PER1: variants seen among roughly 807,000 people sequenced by gnomAD.
The protein encoded by PER1 is period circadian regulator 1.
In PER1, 87 loss-of-function variants were observed where a neutral mutation model predicts 125.9. The observed-to-expected ratio is 0.69, with a 90% CI of 0.58 to 0.83. The LOEUF is 0.83. Ranked by LOEUF, PER1 falls within the 40% of genes least tolerant of loss-of-function variation. The pLI, the probability that PER1 is intolerant of heterozygous loss-of-function variation, is 0.00. For missense variants in PER1, 1,775 were observed against 1,722.8 expected (o/e 1.03, Z -0.54); for synonymous variants, 801 against 714.7 (o/e 1.12, Z -1.93).
Position 8,149,314 on chromosome 17 carries a change from G to A in PER1, c.854-4C>T, listed in dbSNP as rs749357434. 5 of 1,613,988 alleles carry A rather than the reference G, an allele frequency of 3.1e-6. No individual in the cohort carries two copies. Among genetic ancestry groups the A allele is most frequent in the Non-Finnish European group, 4.2e-6 (5 of 1,179,894 alleles). ...GTAAAGTCCCTGAGGCCTGAACCTG[G>A]GACAGACAGGAGAGGAGTGAGCACA... On this transcript the variant is annotated splice_region_variant and splice_polypyrimidine_tract_variant and intron_variant, in intron 6 of 22. Transcript: ENST00000317276.
Position 8,147,907 on chromosome 17 carries a change from G to C in PER1, c.1235-80C>G, listed in dbSNP as rs899748634. 5 of 1,589,462 alleles carry C rather than the reference G, an allele frequency of 3.1e-6. No individual in the cohort carries two copies. In the Admixed American group the frequency reaches 8.8e-5, roughly 28 times the overall value. ...GGAGGCCATGCCACTAGAGATCCAG[G>C]AGACCAAGGCACCAAGAGACACAAC... On this transcript the variant is annotated intron_variant, in intron 10 of 22. Transcript: ENST00000317276.
chr17:8,146,736 G>C lies in PER1; in HGVS notation c.1765C>G (p.Pro589Ala). 1 of 1,613,864 alleles carries C rather than the reference G, an allele frequency of 6.2e-7. No homozygotes were observed. ...ATGTFKAKAL[P>A]CQSPDPELEA... is the part of the protein sequence containing the mutation. ...AGCTCTGGGTCTGGGGATTGGCAGG[G>C]AAGGGCCTTGGCCTTGAACGTGCCT... Residue 589 changes from proline (P) to alanine (A), a missense_variant, in exon 15 of 23, where the codon CCC becomes GCC. Coordinates refer to ENST00000317276, the MANE Select transcript of PER1 (RefSeq NM_002616.3).
At position 8,146,700 on chromosome 17, in the gene PER1, A is replaced by T; in HGVS notation, c.1801T>A (p.Ser601Thr). ...QSPDPELEAG[S>T]APVQAPLALV... ...GCTAGTGGGGCCTGGACGGGAGCAG[A>T]ACCCGCCTCCAGCTCTGGGTCTGGG... Residue 601 changes from serine (S) to threonine (T), a missense_variant, in exon 15 of 23, where the codon TCT becomes ACT. Transcript: ENST00000317276. 2.5e-6 allele frequency: 4 copies of T among 1,613,838 alleles called. No individual in the cohort carries two copies. The highest frequency in any genetic ancestry group is 2.5e-6 in the Non-Finnish European group (3 of 1,179,962).
rs533997830 is a variant in PER1 at position 8,146,207 on chromosome 17, A to T, written c.2039-70T>A. The T allele has an allele frequency of 2.6e-6, 4 of 1,537,788 alleles. No homozygotes were observed. The African/African-American group carries it at 5.5e-5, about 21-fold the overall frequency. On this transcript the variant is annotated intron_variant, in intron 16 of 22. Coordinates refer to ENST00000317276, the MANE Select transcript of PER1 (RefSeq NM_002616.3). ...GAAGTCAGGAGAGAGGATCCCAGGG[A>T]AAAGGGGAAGGGGATGGTGGTAGGG...
intron 8 of PER1, 98 bp from the exon 9 acceptor site, chr17:8,148,357 C>T: frequency 9.6e-7 from 1 of 1,036,954 alleles, no homozygotes; most frequent in Non-Finnish European, 1.5e-6. Context: ...TGATCTGCCA[C>T]ACAGCTCTGC....
chr17:8,144,054 A>G, intron 18 of PER1, 178 bp from the exon 19 acceptor site: 1 of 942,078 alleles, frequency 1.1e-6, no homozygotes, highest in Non-Finnish European at 1.5e-6. Context: ...GAATCACAGG[A>G]GCCAGGGACA....
chr17:8,143,504 C>T lies in PER1; in HGVS notation c.2834G>A (p.Gly945Glu). The T allele has an allele frequency of 6.4e-7, 1 of 1,572,222 alleles. No homozygotes were observed. Among genetic ancestry groups the T allele is most frequent in the South Asian group, 1.2e-5 (1 of 83,940 alleles). Residue 945 changes from glycine to glutamate, a missense_variant, in exon 19 of 23, where the codon GGG (glycine) becomes GAG (glutamate). Gly to Glu is a moderately conservative substitution (Grantham distance 98, BLOSUM62 -2). Coordinates refer to ENST00000317276, the MANE Select transcript of PER1 (RefSeq NM_002616.3). ...PYGALQTPAE[G>E]PPTPASHSPS... ...GGAGTGCGAGGCAGGAGTGGGAGGCCCTTCAGCAGGGGTCTGGAGTGCCCC... is the reference window on the plus strand; with the variant it reads ...GGAGTGCGAGGCAGGAGTGGGAGGCTCTTCAGCAGGGGTCTGGAGTGCCCC...
chr17:8,148,282 A>G (rs1351387299), intron 8 of PER1, 23 bp from the exon 9 acceptor site: 6 of 1,602,304 alleles, frequency 3.7e-6, no homozygotes, highest in Non-Finnish European at 5.1e-6. Context: ...GAGTGTGGTC[A>G]CTGGGTTTCG....
At chr17:8,149,440 C>T (rs750372883) in intron 6 of PER1, 22 bp downstream of exon 6, 301 of 1,610,316 alleles carry the variant, frequency 1.9e-4, no homozygotes, top group Non-Finnish European at 2.2e-4. Context: ...TCATGCCTCC[C>T]CACAGCGCTT....
intron 7 of PER1, 152 bp downstream of exon 7, chr17:8,149,107 T>G (rs568336948): frequency 4.1e-5 from 30 of 730,882 alleles, no homozygotes; most frequent in Middle Eastern, 7.0e-4. Context: ...GAGAATCGCT[T>G]GAACCTGGGA....
chr17:8,145,443 C>A (rs926857265), intron 17 of PER1, among the ~76,000 whole-genome samples: 1 of 151,952 alleles, frequency 6.6e-6, no homozygotes, highest in Non-Finnish European at 1.5e-5. Flanking sequence ...CCTGTCCCAG[C>A]CTCCCGAGTA....
intron 22 of PER1, 104 bp downstream of exon 22, chr17:8,141,700 GA>G: frequency 1.9e-6 from 2 of 1,031,510 alleles, no homozygotes; most frequent in Non-Finnish European, 1.2e-6. Context: ...CCTTGAACTT[GA>G]GCTCAATTCT....
chr17:8,146,562 C>T (rs573726719), intron 15 of PER1, 32 bp downstream of exon 15: 28 of 1,601,646 alleles, frequency 1.7e-5, no homozygotes, highest in Non-Finnish European at 2.0e-5. Flanking sequence ...GGGTTAGAGC[C>T]CGAGGTGGAG....
intron 8 of PER1, 77 bp from the exon 9 acceptor site, chr17:8,148,336 A>C: frequency 1.6e-6 from 2 of 1,255,684 alleles, no homozygotes; most frequent in Non-Finnish European, 2.3e-6. Context: ...GCCTGGGCCC[A>C]GGCTGGCTGA....
chr17:8,144,573 G>A (rs576788740), intron 18 of PER1, 178 bp downstream of exon 18: 39 of 792,686 alleles, frequency 4.9e-5, no homozygotes, highest in African/African-American at 2.8e-4. Context: ...GCTGCAGCCC[G>A]GAACCCCATC....
At chr17:8,142,481 A>G (rs1982145557) in intron 20 of PER1, 23 bp from the exon 21 acceptor site, 2 of 1,558,886 alleles carry the variant, frequency 1.3e-6, no homozygotes, top group Non-Finnish European at 1.7e-6. Context: ...GGGCAGACCA[A>G]TGGGAGTCAG....
At position 8,142,735 on chromosome 17, in the gene PER1, G is replaced by A. The variant is rs773236333; in HGVS notation, c.3173C>T (p.Ala1058Val). 5 of 1,613,950 alleles carry A rather than the reference G, an allele frequency of 3.1e-6. No individual in the cohort carries two copies. Among genetic ancestry groups the A allele is most frequent in the Admixed American group, 1.7e-5 (1 of 60,022 alleles). ...QEDSRSGTGSAASGSLGSGLG... is the reference protein window; with the variant it reads ...QEDSRSGTGSVASGSLGSGLG... ...GCCAGAGCCCAAGGAGCCCGAGGCT[G>A]CGGAGCCTGTGCCGGAGCGCGAGTC... The change falls in exon 20 of 23, where the codon GCA (alanine) becomes GTA (valine). Residue 1058 changes from alanine to valine, a missense_variant. Ala to Val is a moderately conservative substitution (Grantham distance 64). Transcript: ENST00000317276.
chr17:8,142,158 A>T, intron 21 of PER1, 111 bp downstream of exon 21: 1 of 1,109,700 alleles, frequency 9.0e-7, no homozygotes, highest in Non-Finnish European at 1.3e-6. Context: ...AGGAGCAGGA[A>T]GAAAGATAGA....
rs1982149280 is a variant in PER1, at chr17:8,142,559, G to A, written c.3259+90C>T. 3.2e-6 allele frequency: 5 copies of A among 1,565,544 alleles called. No homozygotes were observed. In the South Asian group the frequency reaches 3.6e-5, roughly 11 times the overall value. On this transcript the variant is annotated intron_variant, in intron 20 of 22. Coordinates refer to ENST00000317276, the MANE Select transcript of PER1 (RefSeq NM_002616.3). Reference sequence around the variant, plus strand: ...CAAAGGCCACATGTCCATCCCAGTGGCCTTAGGAAGCTCCGCCAAGACGGG... The same window carrying A: ...CAAAGGCCACATGTCCATCCCAGTGACCTTAGGAAGCTCCGCCAAGACGGG...
Sources: gnomAD v4.1 joint callset for allele counts (sites outside exome capture counted in the v4.1 genomes callset) on GRCh38, gnomAD v4.1.1 for gene constraint, MANE v1.5 for transcripts, NCBI Gene and HGNC (gene_info 2026-07-23, HGNC 2026-07-21) for gene names.